Variants in PARP9 observed in about 807,000 individuals in gnomAD.
PARP9 encodes protein mono-ADP-ribosyltransferase PARP9.
In PARP9, 48 loss-of-function variants were observed where a neutral mutation model predicts 68.8. That is an observed-to-expected ratio of 0.70 (90% CI 0.55 to 0.89). The LOEUF (loss-of-function observed/expected upper bound fraction) is 0.89, where lower values mean the gene tolerates loss of function less well. PARP9 is among the 40% of genes least tolerant of loss of function. PARP9 has a pLI of 0.00. For missense variants in PARP9, 806 were observed against 969.3 expected, an observed-to-expected ratio of 0.83 and a Z score of 2.24; for synonymous variants, 309 against 333.8, an observed-to-expected ratio of 0.93 and a Z score of 0.81.
upstream of PARP9, chr3:122,564,331 C>G (rs2080501451): frequency 1.4e-6 from 2 of 1,397,352 alleles, no homozygotes; most frequent in South Asian, 2.8e-5. Context: ...TCCAGGGAAG[C>G]GAAACTGAAA....
chr3:122,540,824 T>C lies in PARP9; in HGVS notation c.1413A>G (p.Arg471=), dbSNP rs751259284. Residue 471 remains arginine (R), a synonymous_variant, in exon 8 of 11, where the codon AGA becomes AGG. Coordinates refer to ENST00000682323, the MANE Select transcript of PARP9 (RefSeq NM_001146105.2). ...SVPQSTREEK[R]ENGLEARSPA... ...GAGATCTAGCTTCAAGCCCATTTTC[T>C]CTTTTCTCCTCTCTGGTTGACTGGG... 1 of 1,613,804 alleles carries C rather than the reference T, an allele frequency of 6.2e-7. No individual in the cohort carries two copies. Among genetic ancestry groups the C allele is most frequent in the Admixed American group, 1.7e-5 (1 of 59,992 alleles).
At chr3:122,539,518 T>TCTTTCTTTCTTCCTTCCTTC in intron 8 of PARP9, among the ~76,000 whole-genome samples, 1 of 28,192 alleles carries the variant, frequency 3.5e-5, no homozygotes, top group African/African-American at 1.2e-4. Flanking sequence ...TTTCTTTCTT[T>TCTTTCTTTCTTCCTTCCTTC]CTTTCTTTCT....
intron 7 of PARP9, among the ~76,000 whole-genome samples, chr3:122,545,179 T>C (rs1043249345): frequency 1.3e-5 from 2 of 152,210 alleles, no homozygotes; most frequent in Non-Finnish European, 2.9e-5. Flanking sequence ...TAGATATCTA[T>C]TTATGAATCA....
At chr3:122,539,519 C>CTTTT (rs2077962588) in intron 8 of PARP9, among the ~76,000 whole-genome samples, 1 of 28,172 alleles carries the variant, frequency 3.5e-5, no homozygotes, top group Admixed American at 2.5e-4. Context: ...TTCTTTCTTT[C>CTTTT]TTTCTTTCTT....
chr3:122,536,081 C>A, intron 10 of PARP9, 87 bp downstream of exon 10: 1 of 1,604,802 alleles, frequency 6.2e-7, no homozygotes, highest in Non-Finnish European at 8.5e-7. Context: ...TTCCCCACAA[C>A]AACAAATGCT....
intron 3 of PARP9, 31 bp from the exon 4 acceptor site, chr3:122,556,152 A>G: frequency 1.7e-6 from 1 of 601,628 alleles, no homozygotes. Flanking sequence ...AAAAAAAAAA[A>G]AAAAAAAAAA....
chr3:122,530,231 T>C (rs1340963660), intron 10 of PARP9, among the ~76,000 whole-genome samples: 1 of 150,512 alleles, frequency 6.6e-6, no homozygotes, highest in Non-Finnish European at 1.5e-5. Flanking sequence ...AAGGGGAATG[T>C]GGAGTATATA....
At chr3:122,560,224 A>G (rs866868027) in intron 1 of PARP9, among the ~76,000 whole-genome samples, 9 of 152,324 alleles carry the variant, frequency 5.9e-5, no homozygotes, top group African/African-American at 2.2e-4. Context: ...TCTGGTTAAA[A>G]GTCAGAAAAT....
Position 122,528,551 on chromosome 3 carries a change from T to C in PARP9, c.2273A>G (p.Asp758Gly), listed in dbSNP as rs1046984425. 5.0e-6 allele frequency: 8 copies of C among 1,614,144 alleles called. No homozygotes were observed. Among genetic ancestry groups the C allele is most frequent in the Non-Finnish European group, 6.8e-6 (8 of 1,180,010 alleles). Residue 758 changes from aspartate (D) to glycine (G), a missense_variant, in exon 11 of 11, where the codon GAC becomes GGC. Asp to Gly is a moderately conservative substitution (Grantham distance 94). Transcript: ENST00000682323. ...PLSPGAIDGH[D>G]SVVDNVSSPE... is the part of the protein sequence containing the mutation. Reference sequence around the variant, plus strand: ...GCTGGAGACATTGTCAACCACACTGTCATGACCATCTATAGCTCCAGGACT... The same window carrying C: ...GCTGGAGACATTGTCAACCACACTGCCATGACCATCTATAGCTCCAGGACT...
chr3:122,555,985 A>G lies in PARP9; in HGVS notation c.186T>C (p.Ser62=). 1 of 1,613,984 alleles carries G rather than the reference A, an allele frequency of 6.2e-7. No homozygotes were observed. Among genetic ancestry groups the G allele is most frequent in the Non-Finnish European group, 8.5e-7 (1 of 1,179,984 alleles). ...ATTTGCTGTTGCCTTCCTGAACTGG[A>G]GAGACCAGGGTAGAGATACAGCCAA... ...NKFGCISTLV[S]PVQEGNSKSL... is the part of the protein sequence containing the mutation. The change falls in exon 4 of 11, where the codon TCT becomes TCC. Residue 62 remains serine, a synonymous_variant. Transcript: ENST00000682323.
chr3:122,558,577 C>A, intron 2 of PARP9, 110 bp from the exon 3 acceptor site: 1 of 1,351,412 alleles, frequency 7.4e-7, no homozygotes. Context: ...CTGCTCAAAG[C>A]ACTGTGTTTG....
intron 1 of PARP9, among the ~76,000 whole-genome samples, chr3:122,562,451 C>T (rs1258225161): frequency 2.6e-5 from 4 of 152,018 alleles, no homozygotes; most frequent in Non-Finnish European, 5.9e-5. Flanking sequence ...CCTTGGCCTC[C>T]CAAAGTGCTG....
chr3:122,562,075 A>C (rs551461772), intron 1 of PARP9, among the ~76,000 whole-genome samples: 11 of 152,082 alleles, frequency 7.2e-5, no homozygotes, highest in Non-Finnish European at 1.6e-4. Context: ...ATCACTTTCA[A>C]ATATGCCCCT....
At chr3:122,563,756 T>G (rs988099205) in intron 1 of PARP9, among the ~76,000 whole-genome samples, 7 of 152,060 alleles carry the variant, frequency 4.6e-5, no homozygotes, top group African/African-American at 1.4e-4. Flanking sequence ...AAGATTCTGC[T>G]TGAAACTTCC....
At chr3:122,543,634 A>G (rs1011185200) in intron 7 of PARP9, among the ~76,000 whole-genome samples, 1 of 151,486 alleles carries the variant, frequency 6.6e-6, no homozygotes, top group Non-Finnish European at 1.5e-5. Context: ...ATCATTAATC[A>G]TTTTGTTTAT....
chr3:122,549,376 A>G (rs2079010801), intron 6 of PARP9, among the ~76,000 whole-genome samples: 1 of 152,144 alleles, frequency 6.6e-6, no homozygotes. Context: ...TCCCTCTTTT[A>G]AGGATGAGGA....
At position 122,552,601 on chromosome 3, in the gene PARP9, A is replaced by C. The variant is rs768302922; in HGVS notation, c.924T>G (p.Ile308Met). The change falls in exon 5 of 11, where the codon ATT becomes ATG. Residue 308 changes from isoleucine (I) to methionine (M), a missense_variant. Ile to Met is a conservative substitution (Grantham distance 10). This residue lies in a region of PARP9 where 680 missense variants were observed against 858.8 expected (regional missense o/e 0.79). Transcript: ENST00000682323. ...TTGACTTTGCCACAGGTCCAACTGTAATATCATGTGGGTTTACAGAATTAA... is the reference window on the plus strand; with the variant it reads ...TTGACTTTGCCACAGGTCCAACTGTCATATCATGTGGGTTTACAGAATTAA... Reference protein sequence around the residue: ...VIVNSVNPHDITVGPVAKSIL... With the variant: ...VIVNSVNPHDMTVGPVAKSIL... The C allele has an allele frequency of 1.2e-5, 19 of 1,613,720 alleles. No individual in the cohort carries two copies. In the South Asian group the frequency reaches 1.6e-4, roughly 14 times the overall value.
intron 1 of PARP9, among the ~76,000 whole-genome samples, chr3:122,561,676 T>G (rs2080216716): frequency 2.0e-5 from 3 of 152,160 alleles, no homozygotes; most frequent in African/African-American, 7.2e-5. Flanking sequence ...TTCCACCATC[T>G]CCCTCTTAAT....
intron 7 of PARP9, among the ~76,000 whole-genome samples, chr3:122,544,619 C>A (rs1208486527): frequency 1.3e-5 from 2 of 151,932 alleles, no homozygotes; most frequent in African/African-American, 2.4e-5. Context: ...GAGTTTAAGA[C>A]CAGTCTGGGC....
Sources: allele counts gnomAD v4.1 joint callset (sites outside exome capture counted in the v4.1 genomes callset), GRCh38; gene constraint gnomAD v4.1.1; regional missense constraint gnomAD v4.1.1; transcripts MANE v1.5; gene names NCBI Gene and HGNC (gene_info 2026-07-23, HGNC 2026-07-21).